WDR48: variants seen among roughly 807,000 people sequenced by gnomAD.
WDR48 encodes WD repeat-containing protein 48.
Under a neutral mutation model 94.0 loss-of-function variants are expected in WDR48, and 22 were observed. That is an observed-to-expected ratio of 0.23 (90% CI 0.17 to 0.33). The LOEUF is 0.33. WDR48 is among the 10% of genes least tolerant of loss of function. The pLI, the probability that WDR48 is intolerant of heterozygous loss-of-function variation, is 1.00. For synonymous variants in WDR48, 278 were observed against 280.5 expected (o/e 0.99, Z 0.09); for missense variants, 541 against 813.8 (o/e 0.66, Z 4.08).
Position 39,094,642 on chromosome 3 carries a change from A to G in WDR48, c.1939-6A>G, listed in dbSNP as rs199552423. 5 of 1,614,016 alleles carry G rather than the reference A, an allele frequency of 3.1e-6. No homozygotes were observed. The highest frequency in any genetic ancestry group is 4.5e-5 in the East Asian group (2 of 44,890). On this transcript the variant is annotated splice_polypyrimidine_tract_variant and splice_region_variant and intron_variant, in intron 18 of 18. Coordinates refer to ENST00000302313, the MANE Select transcript of WDR48 (RefSeq NM_020839.4). ...GAAATTTTTAAATTTAATTTTGGCT[A>G]TTCAGGTTTTGGATCCAAATATGGA... is the stretch of plus-strand genomic sequence containing the variant.
chr3:39,088,228 G>A lies in WDR48; in HGVS notation c.1575G>A (p.Leu525=). 6.2e-7 allele frequency: 1 copy of A among 1,614,158 alleles called. No individual in the cohort carries two copies. The highest frequency in any genetic ancestry group is 8.5e-7 in the Non-Finnish European group (1 of 1,180,000). ...TTGGTGAAGCTGGAGGTCGCACACT[G>A]TTCAGGTATGGGTAAGAAAGACAAG... ...VIFGEAGGRT[L]FRLLCRDSGG... Residue 525 remains leucine (L), a synonymous_variant, in exon 15 of 19, where the codon CTG becomes CTA. Transcript: ENST00000302313.
At chr3:39,077,956 A>C (rs976443606) in intron 9 of WDR48, 181 bp from the exon 10 acceptor site, 5 of 524,498 alleles carry the variant, frequency 9.5e-6, no homozygotes, top group Non-Finnish European at 1.7e-5. Context: ...TCCCTTCTTA[A>C]AATTTGTTTC....
intron 1 of WDR48, among the ~76,000 whole-genome samples, chr3:39,059,380 A>G (rs1370420936): frequency 1.3e-5 from 2 of 152,240 alleles, no homozygotes; most frequent in Non-Finnish European, 2.9e-5. Context: ...TGACTGTCAT[A>G]AAAGAAGCTG....
intron 12 of WDR48, 31 bp from the exon 13 acceptor site, chr3:39,084,614 T>C: frequency 6.3e-7 from 1 of 1,577,756 alleles, no homozygotes; most frequent in Non-Finnish European, 8.7e-7. Context: ...TATATTCAAA[T>C]GGGATGCCAC....
chr3:39,065,935 GTTTTT>G, intron 3 of WDR48, 46 bp downstream of exon 3: 3 of 1,447,904 alleles, frequency 2.1e-6, no homozygotes, highest in Non-Finnish European at 1.9e-6. Flanking sequence ...TATATTTTTT[GTTTTT>G]TATATAAGCT....
intron 7 of WDR48, among the ~76,000 whole-genome samples, chr3:39,072,307 C>T (rs192319689): frequency 6.6e-6 from 1 of 152,288 alleles, no homozygotes; most frequent in East Asian, 1.9e-4. Context: ...CAATTCATTG[C>T]TTGAGGAGCT....
intron 11 of WDR48, among the ~76,000 whole-genome samples, chr3:39,083,049 A>G (rs1559620626): frequency 1.3e-5 from 2 of 152,234 alleles, no homozygotes; most frequent in Non-Finnish European, 1.5e-5. Context: ...GAGTGTTTCA[A>G]GAAGAAGCTT....
intron 17 of WDR48, 82 bp downstream of exon 17, chr3:39,091,783 A>G (rs1323558191): frequency 1.8e-6 from 2 of 1,140,016 alleles, no homozygotes; most frequent in Admixed American, 2.8e-5. Flanking sequence ...TAGCAAAGGA[A>G]GCAAATACCA....
intron 1 of WDR48, among the ~76,000 whole-genome samples, chr3:39,057,825 G>A (rs1176376294): frequency 6.6e-6 from 1 of 152,122 alleles, no homozygotes; most frequent in African/African-American, 2.4e-5. Flanking sequence ...GTTTCACCAT[G>A]TTGGCCAGGA....
chr3:39,067,929 T>C (rs2033706770), intron 5 of WDR48, among the ~76,000 whole-genome samples: 1 of 151,934 alleles, frequency 6.6e-6, no homozygotes, highest in Non-Finnish European at 1.5e-5. Context: ...GGTACATCAT[T>C]AGGTTTTAAG....
chr3:39,068,834 T>C lies in WDR48; in HGVS notation c.545T>C (p.Ile182Thr). ...CTGGCCATGAATCAACTGGGAACAATCATTGTATCAGGGTCCACTGAAAAG... is the reference window on the plus strand; with the variant it reads ...CTGGCCATGAATCAACTGGGAACAACCATTGTATCAGGGTCCACTGAAAAG... ...YSLAMNQLGTIIVSGSTEKVL... is the reference protein window; with the variant it reads ...YSLAMNQLGTTIVSGSTEKVL... The change falls in exon 6 of 19, where the codon ATC becomes ACC. Residue 182 changes from isoleucine (I) to threonine (T), a missense_variant. By Grantham distance (89) the Ile-to-Thr change is moderately conservative. Around this residue, in one of 5 missense-constraint regions of WDR48, gnomAD observed 104 missense variants for 189.7 expected, o/e 0.55. Transcript: ENST00000302313. 6.2e-7 allele frequency: 1 copy of C among 1,602,862 alleles called. No homozygotes were observed.
chr3:39,068,554 A>G (rs1442554636), intron 5 of WDR48, among the ~76,000 whole-genome samples: 1 of 152,254 alleles, frequency 6.6e-6, no homozygotes, highest in Non-Finnish European at 1.5e-5. Flanking sequence ...ACTGCAGTTT[A>G]TCAGATATTG....
At chr3:39,053,278 T>G (rs1347642220) in intron 1 of WDR48, among the ~76,000 whole-genome samples, 1 of 152,110 alleles carries the variant, frequency 6.6e-6, no homozygotes, top group Non-Finnish European at 1.5e-5. Flanking sequence ...TGAAATCAAG[T>G]GTCAGATAAA....
Position 39,085,733 on chromosome 3 carries a change from C to G in WDR48, c.1474+123C>G. On this transcript the variant is annotated intron_variant, in intron 14 of 18. Coordinates refer to ENST00000302313, the MANE Select transcript of WDR48 (RefSeq NM_020839.4). ...TTTGTGGTGTACTCAGTTTATTGTC[C>G]TCTCTTCCATATCTCAAAGTAGGAA... is the stretch of plus-strand genomic sequence containing the variant. 3 of 772,530 alleles carry G rather than the reference C, an allele frequency of 3.9e-6. No homozygotes were observed. In the East Asian group the frequency reaches 7.8e-5, roughly 20 times the overall value. The allele number at this position is 772,530 out of a possible 1,614,324, so 47.9% of individuals were successfully genotyped here.
chr3:39,084,627 A>C lies in WDR48; in HGVS notation c.1282-18A>C, dbSNP rs772452872. 2 of 1,607,882 alleles carry C rather than the reference A, an allele frequency of 1.2e-6. No homozygotes were observed. Among genetic ancestry groups the C allele is most frequent in the South Asian group, 2.2e-5 (2 of 90,422 alleles). On this transcript the variant is annotated intron_variant, in intron 12 of 18. Coordinates refer to ENST00000302313, the MANE Select transcript of WDR48 (RefSeq NM_020839.4). ...AATATATTCAAATGGGATGCCACTA[A>C]GTTTTTTCTTTTGATAGATGTTAAC...
intron 10 of WDR48, among the ~76,000 whole-genome samples, chr3:39,079,194 A>G (rs190280386): frequency 4.0e-5 from 6 of 151,192 alleles, no homozygotes; most frequent in Admixed American, 6.5e-5. Flanking sequence ...GACAGATATG[A>G]TCCTCAAATT....
intron 8 of WDR48, among the ~76,000 whole-genome samples, chr3:39,076,268 C>T (rs2034220073): frequency 6.6e-6 from 1 of 152,072 alleles, no homozygotes; most frequent in Non-Finnish European, 1.5e-5. Flanking sequence ...CCTAATGGAC[C>T]GAACCAGTAA....
At chr3:39,064,503 A>G (rs2033476741) in intron 2 of WDR48, among the ~76,000 whole-genome samples, 1 of 152,058 alleles carries the variant, frequency 6.6e-6, no homozygotes, top group African/African-American at 2.4e-5. Context: ...TCAAACTTCT[A>G]GACTCAGATA....
At chr3:39,086,421 C>A (rs1240423346) in intron 14 of WDR48, 1 of 152,174 alleles carries the variant, frequency 6.6e-6, no homozygotes, top group Non-Finnish European at 1.5e-5. Context: ...TTCTGGCTGT[C>A]AGATTCACCC....
Sources: allele counts gnomAD v4.1 joint callset (sites outside exome capture counted in the v4.1 genomes callset), GRCh38; gene constraint gnomAD v4.1.1; regional missense constraint gnomAD v4.1.1; transcripts MANE v1.5; gene names NCBI Gene and HGNC (gene_info 2026-07-23, HGNC 2026-07-21).